The following MAD1L1 variants were observed in gnomAD, a reference collection of about 807,000 sequenced individuals.
MAD1L1 encodes mitotic arrest deficient 1 like 1, also known as mitotic spindle assembly checkpoint protein MAD1.
Under a neutral mutation model 96.9 loss-of-function variants are expected in MAD1L1, and 95 were observed. That is an observed-to-expected ratio of 0.98 (90% confidence interval 0.83 to 1.16). MAD1L1 has a LOEUF of 1.16. Among genes scored for constraint, MAD1L1 ranks in the 50% most tolerant of loss-of-function variants. MAD1L1 has a pLI of 0.00. For synonymous variants in MAD1L1, 473 were observed against 396.6 expected (o/e 1.19, Z -2.29); for missense variants, 1,007 against 954.4 (o/e 1.06, Z -0.73).
chr7:2,231,310 T>C (rs1343938346), intron 1 of MAD1L1, among the ~76,000 whole-genome samples: 1 of 151,590 alleles, frequency 6.6e-6, no homozygotes, highest in African/African-American at 2.4e-5. Flanking sequence ...AATAAATAAA[T>C]GAATGAATAA....
intron 17 of MAD1L1, among the ~76,000 whole-genome samples, chr7:1,912,875 G>C (rs949742755): frequency 1.3e-5 from 2 of 152,200 alleles, no homozygotes; most frequent in Non-Finnish European, 2.9e-5. Context: ...GAGGCCTGGG[G>C]TGGCGGCGGC....
rs941222627 is a variant in MAD1L1 at position 1,821,096 on chromosome 7, G to T, written c.1999-4868C>A. Among the ~76,000 whole-genome samples, 9 of 147,774 alleles carry T rather than the reference G, an allele frequency of 6.1e-5. 1 individual carries two copies. Among genetic ancestry groups the T allele is most frequent in the East Asian group, 4.0e-4 (2 of 5,002 alleles). On this transcript the variant is annotated intron_variant, in intron 18 of 18. Transcript: ENST00000265854. Reference sequence around the variant, plus strand: ...ACTCCATCTCAAAAAAAAAAAAAGGGGGGGGGGAGAGTGAAATGACCAATA... The same window carrying T: ...ACTCCATCTCAAAAAAAAAAAAAGGTGGGGGGGAGAGTGAAATGACCAATA...
At chr7:1,833,833 C>T (rs1448883526) in intron 18 of MAD1L1, among the ~76,000 whole-genome samples, 9 of 152,026 alleles carry the variant, frequency 5.9e-5, no homozygotes, top group Non-Finnish European at 1.0e-4. Flanking sequence ...CCCAGTTACT[C>T]GGGAGGCTGA....
In MAD1L1 at chr7:1,994,644, G is replaced by A. The variant is rs2090942; in HGVS notation, c.1416+7421C>T. Among the ~76,000 whole-genome samples, 523 of 152,198 alleles carry A rather than the reference G, an allele frequency of 3.4e-3. 3 individuals are homozygous for A. Among genetic ancestry groups the A allele is most frequent in the African/African-American group, 0.012 (493 of 41,536 alleles). On this transcript the variant is annotated intron_variant, in intron 14 of 18. Transcript: ENST00000265854. ...AGCCCGGGGAGGTGAGGAGGCCACC[G>A]GGCGGAGCCTCGGGGGGGGGATTAG...
chr7:2,227,538 A>G (rs1483048895), intron 3 of MAD1L1, among the ~76,000 whole-genome samples: 2 of 152,142 alleles, frequency 1.3e-5, no homozygotes, highest in African/African-American at 2.4e-5. Flanking sequence ...AATGCACAAG[A>G]AAGTCCTGAG....
intron 18 of MAD1L1, among the ~76,000 whole-genome samples, chr7:1,880,612 G>A (rs1009885050): frequency 2.6e-5 from 4 of 152,070 alleles, no homozygotes; most frequent in Admixed American, 6.6e-5. Flanking sequence ...ACCTGCGTGC[G>A]TCCCATCTCA....
At chr7:2,150,496 C>CAAACA (rs1789520589) in intron 10 of MAD1L1, among the ~76,000 whole-genome samples, 1 of 152,202 alleles carries the variant, frequency 6.6e-6, no homozygotes, top group South Asian at 2.1e-4. Context: ...GCCCCTCCCC[C>CAAACA]GGTCTTCCAG....
intron 14 of MAD1L1, among the ~76,000 whole-genome samples, chr7:1,996,754 T>A (rs879938239): frequency 2.0e-5 from 3 of 152,200 alleles, no homozygotes; most frequent in African/African-American, 7.2e-5. Flanking sequence ...AAATCAGCAA[T>A]CAAGGAAGAT....
chr7:1,860,918 C>T (rs1301396283), intron 18 of MAD1L1, among the ~76,000 whole-genome samples: 5 of 152,184 alleles, frequency 3.3e-5, no homozygotes, highest in Non-Finnish European at 7.3e-5. Flanking sequence ...ACAGGCCGGC[C>T]GTCAAATCTC....
At chr7:2,214,194 G>A (rs1332315207) in intron 9 of MAD1L1, among the ~76,000 whole-genome samples, 3 of 152,228 alleles carry the variant, frequency 2.0e-5, no homozygotes, top group Admixed American at 2.0e-4. Context: ...GGAGATGAAG[G>A]AGCTGGCCCA....
chr7:1,837,518 G>A (rs1027262357), intron 18 of MAD1L1, among the ~76,000 whole-genome samples: 15 of 152,324 alleles, frequency 9.8e-5, no homozygotes, highest in African/African-American at 3.4e-4. Flanking sequence ...CACTTTATTT[G>A]CAACAGCCCC....
intron 18 of MAD1L1, among the ~76,000 whole-genome samples, chr7:1,865,271 A>C (rs1054299442): frequency 6.6e-6 from 1 of 151,712 alleles, no homozygotes; most frequent in Non-Finnish European, 1.5e-5. Flanking sequence ...TCCTTGGGGA[A>C]AGAAGGGCCA....
chr7:2,133,963 G>C (rs984585452), intron 11 of MAD1L1, among the ~76,000 whole-genome samples: 1 of 152,198 alleles, frequency 6.6e-6, no homozygotes, highest in African/African-American at 2.4e-5. Context: ...CTTGAGGTCG[G>C]GGAGTGTCAG....
At chr7:1,916,225 G>C (rs1047317474) in intron 17 of MAD1L1, among the ~76,000 whole-genome samples, 2 of 152,204 alleles carry the variant, frequency 1.3e-5, no homozygotes, top group Non-Finnish European at 2.9e-5. Context: ...CCGTAAGGCA[G>C]CTCCTCTCCT....
At chr7:1,908,259 C>T (rs6970796) in intron 17 of MAD1L1, among the ~76,000 whole-genome samples, 20,674 of 152,206 alleles carry the variant, frequency 0.14, 2,993 homozygotes, top group African/African-American at 0.36. Context: ...TCCCTGATGA[C>T]GTGAGACAGG....
intron 10 of MAD1L1, among the ~76,000 whole-genome samples, chr7:2,182,436 T>A (rs1001913504): frequency 6.6e-6 from 1 of 152,058 alleles, no homozygotes; most frequent in Non-Finnish European, 1.5e-5. Flanking sequence ...AGTTTGGCAA[T>A]TCCTAAAAAA....
chr7:2,038,498 CTTTTTTTT>C lies in MAD1L1; in HGVS notation c.1219-23864_1219-23857del, dbSNP rs60466584. 1.5e-3 allele frequency among the ~76,000 whole-genome samples: 136 copies of C among 92,852 alleles called. 1 individual carries two copies. The highest frequency in any genetic ancestry group is 3.6e-3 in the African/African-American group (99 of 27,566). The allele number at this position is 92,852 out of a possible 152,430, so 60.9% of individuals were successfully genotyped here. ...TGTTAGGAGATAATGAAGCTGATGACTTTTTTTTTTTTTTTTTTTTTTTTTTTTGAGAC... is the reference window on the plus strand; with the variant it reads ...TGTTAGGAGATAATGAAGCTGATGACTTTTTTTTTTTTTTTTTTTTGAGAC... On this transcript the variant is annotated intron_variant, in intron 12 of 18. Transcript: ENST00000265854.
intron 11 of MAD1L1, among the ~76,000 whole-genome samples, chr7:2,113,171 C>T (rs539586420): frequency 2.0e-5 from 3 of 152,004 alleles, no homozygotes; most frequent in Non-Finnish European, 2.9e-5. Flanking sequence ...AGCAAAGCGT[C>T]CCACTCAGGA....
intron 10 of MAD1L1, among the ~76,000 whole-genome samples, chr7:2,199,597 C>T (rs1290463535): frequency 6.6e-6 from 1 of 152,246 alleles, no homozygotes. Context: ...AGCAGTCTTC[C>T]ACTCCGCATC....
Sources: allele counts gnomAD v4.1 joint callset (sites outside exome capture counted in the v4.1 genomes callset), GRCh38; gene constraint gnomAD v4.1.1; transcripts MANE v1.5; gene names NCBI Gene and HGNC (gene_info 2026-07-23, HGNC 2026-07-21).